Variants in RNF213 observed in about 807,000 individuals in gnomAD.
RNF213 encodes the protein ring finger protein 213.
RNF213 carries 341 observed loss-of-function variants against 514.4 expected under a neutral mutation model. That is an observed-to-expected ratio of 0.66 (90% CI 0.61 to 0.73). RNF213 has a LOEUF of 0.73. Ranked by LOEUF, RNF213 falls within the 30% of genes least tolerant of loss-of-function variation. The pLI is 0.00. For missense variants in RNF213, 5,767 were observed against 6,615.6 expected, an observed-to-expected ratio of 0.87 and a Z score of 4.45; for synonymous variants, 2,655 against 2,658.2, an observed-to-expected ratio of 1.00 and a Z score of 0.04.
At chr17:80,280,113 C>T (rs1483978833) in intron 3 of RNF213, among the ~76,000 whole-genome samples, 1 of 152,172 alleles carries the variant, frequency 6.6e-6, no homozygotes, top group Non-Finnish European at 1.5e-5. Context: ...GGGGCTTGGC[C>T]GTGAGCCCAC....
Position 80,288,212 on chromosome 17 carries a change from G to A in RNF213, c.659G>A (p.Gly220Glu). 6.2e-7 allele frequency: 1 copy of A among 1,613,106 alleles called. No individual in the cohort carries two copies. The highest frequency in any genetic ancestry group is 1.1e-5 in the South Asian group (1 of 91,076). Reference sequence around the variant, plus strand: ...GGGGGCAGAGGCCTGTCCCAGGAGGGGACCGGTCCCCCCACCTCTGCTGGT... The same window carrying A: ...GGGGGCAGAGGCCTGTCCCAGGAGGAGACCGGTCCCCCCACCTCTGCTGGT... ...PSGGRGLSQE[G>E]TGPPTSAGEG... Residue 220 changes from glycine (G) to glutamate (E), a missense_variant, in exon 4 of 68, where the codon GGG becomes GAG. Gly to Glu is a moderately conservative substitution (Grantham distance 98). Transcript: ENST00000582970. This position sits in a 1 kb window ranked among gnomAD's most constrained non-coding sequence, Gnocchi z 4.9.
intron 2 of RNF213, among the ~76,000 whole-genome samples, chr17:80,268,333 C>T (rs538389798): frequency 1.4e-4 from 18 of 124,396 alleles, no homozygotes; most frequent in Non-Finnish European, 2.4e-4. Flanking sequence ...CAGCCTGGGT[C>T]GACAGTGAGA....
chr17:80,386,121 G>T, intron 61 of RNF213, 129 bp from the exon 62 acceptor site: 1 of 834,618 alleles, frequency 1.2e-6, no homozygotes, highest in Non-Finnish European at 2.0e-6. Flanking sequence ...CATATGAGAT[G>T]GGGCAGAACC....
At position 80,363,749 on chromosome 17, in the gene RNF213, A is replaced by G. The variant is rs151055851; in HGVS notation, c.11709A>G (p.Gln3903=). The G allele has an allele frequency of 8.9e-5, 144 of 1,613,802 alleles. No individual in the cohort carries two copies. In the African/African-American group the frequency reaches 1.8e-3, roughly 20 times the overall value. ...TCATCTGCTCCGATGAGCACATGCA[A>G]GGCAGCGGGAGCCTGGCCCAGGCTG... ...LELICSDEHM[Q]GSGSLAQAVI... The change falls in exon 41 of 68, where the codon CAA becomes CAG. Residue 3903 remains glutamine, a synonymous_variant. Coordinates refer to ENST00000582970, the MANE Select transcript of RNF213 (RefSeq NM_001256071.3).
chr17:80,381,091 T>C, intron 56 of RNF213, 104 bp downstream of exon 56: 2 of 1,158,956 alleles, frequency 1.7e-6, no homozygotes, highest in Non-Finnish European at 2.6e-6. Flanking sequence ...CTATGCGTTT[T>C]GGAGATAATT....
chr17:80,383,004 G>A lies in RNF213; in HGVS notation c.14004G>A (p.Leu4668=), dbSNP rs2080083939. 1 of 1,613,832 alleles carries A rather than the reference G, an allele frequency of 6.2e-7. No homozygotes were observed. The highest frequency in any genetic ancestry group is 8.5e-7 in the Non-Finnish European group (1 of 1,179,808). The change falls in exon 58 of 68, where the codon TTG becomes TTA. Residue 4668 remains leucine, a synonymous_variant. Transcript: ENST00000582970. ...SRRLLNFDTE[L]STKEMRNNWE... ...GGCTTTTAAATTTTGACACAGAATT[G>A]TCAACTAAAGAAATGAGGAACAACT...
intron 37 of RNF213, among the ~76,000 whole-genome samples, chr17:80,359,103 C>T (rs776709472): frequency 1.5e-4 from 23 of 152,146 alleles, no homozygotes; most frequent in Non-Finnish European, 2.9e-4. Flanking sequence ...TCCCTCATTC[C>T]CTGGTGGAGC....
intron 3 of RNF213, among the ~76,000 whole-genome samples, chr17:80,281,626 ACCC>A (rs1424580301): frequency 2.1e-5 from 2 of 93,954 alleles, no homozygotes; most frequent in African/African-American, 8.1e-5. Context: ...ACTCACACAC[ACCC>A]CCAACACACA....
intron 64 of RNF213, chr17:80,388,958 G>T: frequency 1.6e-6 from 1 of 624,212 alleles, no homozygotes; most frequent in Non-Finnish European, 2.9e-6. Context: ...GAACCGATTT[G>T]TTCCTGCTCT....
At chr17:80,285,567 G>A (rs527671441) in intron 3 of RNF213, among the ~76,000 whole-genome samples, 11 of 152,292 alleles carry the variant, frequency 7.2e-5, no homozygotes, top group South Asian at 4.1e-4. Flanking sequence ...CAGGTCCCCC[G>A]GCAGCTGACC....
intron 36 of RNF213, among the ~76,000 whole-genome samples, chr17:80,355,859 GA>G (rs1461546606): frequency 1.3e-5 from 2 of 152,150 alleles, no homozygotes; most frequent in Non-Finnish European, 2.9e-5. Context: ...GGGACTTACA[GA>G]CACCTTCCTC....
At chr17:80,319,143 G>T (rs1220679637) in intron 16 of RNF213, 47 bp from the exon 17 acceptor site, 3 of 1,613,890 alleles carry the variant, frequency 1.9e-6, no homozygotes, top group Non-Finnish European at 2.5e-6. Flanking sequence ...GAGCACTGGA[G>T]CGCTGCATCC....
Position 80,390,134 on chromosome 17 carries a change from G to A in RNF213, c.15408G>A (p.Met5136Ile), listed in dbSNP as rs376505157. ...CCTTCCTGCTAGAGCTGCACGAAAT[G>A]ATAATCTTGAAACTAAAGAACCCCC... ...LDAFLLELHE[M>I]IILKLKNPQT... The change falls in exon 67 of 68, where the codon ATG (methionine) becomes ATA (isoleucine). Residue 5136 changes from methionine (M) to isoleucine (I), a missense_variant. Met to Ile is a conservative substitution (Grantham distance 10, BLOSUM62 1). Transcript: ENST00000582970. 6.2e-7 allele frequency: 1 copy of A among 1,614,094 alleles called. No individual in the cohort carries two copies. The highest frequency in any genetic ancestry group is 8.5e-7 in the Non-Finnish European group (1 of 1,180,056).
Position 80,369,622 on chromosome 17 carries a change from G to A in RNF213, c.12276G>A (p.Leu4092=). The A allele has an allele frequency of 6.2e-7, 1 of 1,614,248 alleles. No homozygotes were observed. Among genetic ancestry groups the A allele is most frequent in the Non-Finnish European group, 8.5e-7 (1 of 1,180,040 alleles). The change falls in exon 45 of 68, where the codon CTG becomes CTA. Residue 4092 remains leucine (L), a synonymous_variant. Coordinates refer to ENST00000582970, the MANE Select transcript of RNF213 (RefSeq NM_001256071.3). ...CTGAGAAGGAAGTGATTGAGAGCCT[G>A]CTCTCTCTCCTCTTCGTCCAAAAGG... ...APPEKEVIES[L]LSLLFVQKGR... is the part of the protein sequence containing the mutation.
rs1281367541 is a variant in RNF213, at chr17:80,352,913, AGTTGTGGGTG to A, written c.10304-25_10304-16del. On this transcript the variant is annotated splice_polypyrimidine_tract_variant and intron_variant, in intron 32 of 67. Transcript: ENST00000582970. The stretch of plus-strand genomic sequence containing the variant: ...CAGCAGCCGGGAAAGACACAAAGAC[AGTTGTGGGTG>A]GCTTCACTCTTCACAGGGCTGTGGC... The A allele has an allele frequency of 1.2e-6, 2 of 1,613,744 alleles. No homozygotes were observed. Among genetic ancestry groups the A allele is most frequent in the African/African-American group, 2.7e-5 (2 of 74,898 alleles).
chr17:80,379,754 T>G, intron 55 of RNF213, 40 bp downstream of exon 55: 1 of 1,542,616 alleles, frequency 6.5e-7, no homozygotes, highest in Admixed American at 1.7e-5. Flanking sequence ...TACTCAAACT[T>G]TGGGGTGTTG....
chr17:80,339,212 T>C lies in RNF213; in HGVS notation c.4845T>C (p.Ser1615=), dbSNP rs2078077564. 2 of 1,482,750 alleles carry C rather than the reference T, an allele frequency of 1.3e-6. No individual in the cohort carries two copies. The highest frequency in any genetic ancestry group is 1.8e-6 in the Non-Finnish European group (2 of 1,117,902). The allele number at this position is 1,482,750 out of a possible 1,614,324, so 91.8% of individuals were successfully genotyped here. ...TTCTGCCTCTCCAGGTCTTCTGCAG[T>C]GTGCAGAGGCTCAGCCAGGCCTTCA... is the stretch of plus-strand genomic sequence containing the variant. ...EVERFSEVFC[S]VQRLSQAFID... The change falls in exon 26 of 68, where the codon AGT becomes AGC. Residue 1615 remains serine (S), a synonymous_variant. Coordinates refer to ENST00000582970, the MANE Select transcript of RNF213 (RefSeq NM_001256071.3).
rs779933851 is a variant in RNF213, at chr17:80,393,561, G to A, written c.*63G>A. On this transcript the variant is annotated 3_prime_UTR_variant, in exon 68 of 68. Coordinates refer to ENST00000582970, the MANE Select transcript of RNF213 (RefSeq NM_001256071.3). ...GAAGACTCCTCTCTCCTCGTCTGCG[G>A]CGTGGACTTGATCATGGACTGGTGC... is the stretch of plus-strand genomic sequence containing the variant. The A allele has an allele frequency of 1.9e-6, 3 of 1,560,932 alleles. No individual in the cohort carries two copies. Among genetic ancestry groups the A allele is most frequent in the Non-Finnish European group, 2.6e-6 (3 of 1,137,438 alleles).
At chr17:80,384,980 C>G in intron 59 of RNF213, 59 bp from the exon 60 acceptor site, 1 of 1,581,238 alleles carries the variant, frequency 6.3e-7, no homozygotes, top group Non-Finnish European at 8.7e-7. Flanking sequence ...AAGTCTGTAA[C>G]CCCAATAACA....
Sources: gnomAD v4.1 joint callset for allele counts (sites outside exome capture counted in the v4.1 genomes callset) on GRCh38, gnomAD v4.1.1 for gene constraint, Gnocchi (gnomAD v3.1) non-coding constraint, MANE v1.5 for transcripts, NCBI Gene and HGNC (gene_info 2026-07-23, HGNC 2026-07-21) for gene names.